NCOA1: variants seen among roughly 807,000 people sequenced by gnomAD.
NCOA1 encodes the protein nuclear receptor coactivator 1.
Under a neutral mutation model 150.9 loss-of-function variants are expected in NCOA1, and 35 were observed. The observed-to-expected ratio is 0.23, with a 90% CI of 0.18 to 0.31. The LOEUF is 0.31. Among genes scored for constraint, NCOA1 ranks in the 10% least tolerant of loss-of-function variants. The pLI is 1.00. For missense variants in NCOA1, 1,491 were observed against 1,749.3 expected, an observed-to-expected ratio of 0.85 and a Z score of 2.63; for synonymous variants, 590 against 630.0, an observed-to-expected ratio of 0.94 and a Z score of 0.95.
rs771469021 is a variant in NCOA1 at position 24,758,015 on chromosome 2, G to A, written c.3924G>A (p.Gln1308=). The change falls in exon 21 of 23, where the codon CAG becomes CAA. Residue 1308 remains glutamine, a synonymous_variant. Coordinates refer to ENST00000348332, the MANE Select transcript of NCOA1 (RefSeq NM_003743.5). ...TCCAGAACCAGCCCACGCCTGCACA[G>A]CCAGGAGTATACAACAACATGAGCA... ...QAVQNQPTPA[Q]PGVYNNMSIT... is the part of the protein sequence containing the mutation. The A allele has an allele frequency of 1.1e-5, 17 of 1,614,044 alleles. No homozygotes were observed. The highest frequency in any genetic ancestry group is 3.3e-5 in the Admixed American group (2 of 59,986).
At chr2:24,677,429 T>G (rs975842293) in intron 7 of NCOA1, among the ~76,000 whole-genome samples, 42 of 151,964 alleles carry the variant, frequency 2.8e-4, no homozygotes, top group African/African-American at 9.9e-4. Flanking sequence ...GTTTGGTTGG[T>G]TGGTTTTGTT....
intron 1 of NCOA1, among the ~76,000 whole-genome samples, chr2:24,545,053 C>A (rs941923856): frequency 4.6e-5 from 7 of 151,970 alleles, no homozygotes; most frequent in Admixed American, 2.6e-4. Flanking sequence ...GTATACATAG[C>A]CTAGTATACA....
In NCOA1 at chr2:24,673,519, G is replaced by GT. The variant is rs1572573098; in HGVS notation, c.354+62dup. The GT allele has an allele frequency of 7.2e-6, 9 of 1,255,670 alleles. No homozygotes were observed. In the East Asian group the frequency reaches 2.0e-4, roughly 28 times the overall value. The allele number at this position is 1,255,670 out of a possible 1,614,324, so 77.8% of individuals were successfully genotyped here. The stretch of plus-strand genomic sequence containing the variant: ...TAAAATCTTTGTTGTAGCCAGTTTG[G>GT]TTTTTTCTTTTTTAAATGCCTTATA... On this transcript the variant is annotated intron_variant, in intron 7 of 22. Coordinates refer to ENST00000348332, the MANE Select transcript of NCOA1 (RefSeq NM_003743.5).
chr2:24,721,384 A>T (rs1674351367), intron 14 of NCOA1, among the ~76,000 whole-genome samples: 1 of 152,112 alleles, frequency 6.6e-6, no homozygotes, highest in Non-Finnish European at 1.5e-5. Context: ...ATGTTTGGTA[A>T]ATTTTGACTG....
At chr2:24,617,506 C>T (rs1359155549) in intron 3 of NCOA1, among the ~76,000 whole-genome samples, 1 of 152,118 alleles carries the variant, frequency 6.6e-6, no homozygotes, top group Non-Finnish European at 1.5e-5. Context: ...TCATCTCATA[C>T]ACTCCACTAT....
At chr2:24,609,329 A>G (rs1323060656) in intron 3 of NCOA1, among the ~76,000 whole-genome samples, 2 of 152,200 alleles carry the variant, frequency 1.3e-5, no homozygotes, top group East Asian at 3.8e-4. Flanking sequence ...TTTGTTTTCA[A>G]ATCTATTACT....
At chr2:24,721,335 C>T (rs1572640496) in intron 14 of NCOA1, among the ~76,000 whole-genome samples, 1 of 152,286 alleles carries the variant, frequency 6.6e-6, no homozygotes, top group East Asian at 1.9e-4. Context: ...TTACTTTCTT[C>T]ATTAAAGTTG....
intron 3 of NCOA1, among the ~76,000 whole-genome samples, chr2:24,642,035 T>TGTGTGTGTGTGTGTGTGCGC (rs1429967519): frequency 1.7e-5 from 2 of 114,342 alleles, no homozygotes; most frequent in Non-Finnish European, 4.1e-5. Flanking sequence ...TGTGTGTGTG[T>TGTGTGTGTGTGTGTGTGCGC]GTGCGCGCGT....
At chr2:24,517,251 T>A (rs1664240957) in intron 1 of NCOA1, among the ~76,000 whole-genome samples, 1 of 151,898 alleles carries the variant, frequency 6.6e-6, no homozygotes, top group South Asian at 2.1e-4. Context: ...CTGCTGTGAG[T>A]GTCTTCCTTT....
intron 13 of NCOA1, among the ~76,000 whole-genome samples, chr2:24,709,376 T>C (rs1030618367): frequency 2.0e-5 from 3 of 152,202 alleles, no homozygotes; most frequent in Admixed American, 2.0e-4. Flanking sequence ...CATGATATTA[T>C]CAATATTTTA....
At chr2:24,617,288 T>G (rs1346155940) in intron 3 of NCOA1, among the ~76,000 whole-genome samples, 1 of 152,150 alleles carries the variant, frequency 6.6e-6, no homozygotes, top group Non-Finnish European at 1.5e-5. Context: ...TCTAAGAGTT[T>G]GTTGTGATTG....
chr2:24,714,335 A>G (rs1238578755), intron 14 of NCOA1, among the ~76,000 whole-genome samples: 2 of 152,216 alleles, frequency 1.3e-5, no homozygotes. Flanking sequence ...AAGACACATG[A>G]TGTAGCAAGA....
chr2:24,765,896 CT>C (rs773857143), intron 22 of NCOA1, among the ~76,000 whole-genome samples: 16,871 of 127,850 alleles, frequency 0.13, 608 homozygotes, highest in Non-Finnish European at 0.17. Flanking sequence ...CAATAATACA[CT>C]TTTTTTTTTT....
intron 22 of NCOA1, among the ~76,000 whole-genome samples, chr2:24,765,239 C>T (rs1264982769): frequency 2.6e-5 from 4 of 151,546 alleles, no homozygotes; most frequent in Non-Finnish European, 1.5e-5. Flanking sequence ...TGCGGTGGCT[C>T]ACGCCTGTAA....
intron 8 of NCOA1, among the ~76,000 whole-genome samples, chr2:24,689,151 C>A (rs3943680): frequency 0.43 from 65,976 of 151,968 alleles, 15,989 homozygotes; most frequent in Admixed American, 0.6. Context: ...AGTTAGATAA[C>A]ATGATGCCCC....
Position 24,576,173 on chromosome 2 carries a change from T to TTTG in NCOA1, c.-259-8301_-259-8300insGTT, listed in dbSNP as rs1666970024. Among the ~76,000 whole-genome samples the TTTG allele has an allele frequency of 3.4e-4, 14 of 40,954 alleles. 2 individuals carry two copies. Among genetic ancestry groups the TTTG allele is most frequent in the Non-Finnish European group, 4.9e-4 (7 of 14,220 alleles). The allele number at this position is 40,954 out of a possible 152,430, so 26.9% of individuals were successfully genotyped here. ...TGTTTTTTTTTTTTTGTTTTTTGTT[T>TTTG]TTTTTTTTTTTTTTTTTTGTTTGCT... On this transcript the variant is annotated intron_variant, in intron 2 of 22. Transcript: ENST00000348332.
chr2:24,673,510 G>A, intron 7 of NCOA1, 47 bp downstream of exon 7: 1 of 1,387,600 alleles, frequency 7.2e-7, no homozygotes, highest in Non-Finnish European at 9.9e-7. Context: ...CTTTGTTGTA[G>A]CCAGTTTGGT....
At chr2:24,673,686 A>T (rs1317183814) in intron 7 of NCOA1, among the ~76,000 whole-genome samples, 1 of 152,218 alleles carries the variant, frequency 6.6e-6, no homozygotes, top group African/African-American at 2.4e-5. Context: ...CTAAGCAGTG[A>T]GATGGAAAAC....
chr2:24,616,194 G>T (rs1393062402), intron 3 of NCOA1, among the ~76,000 whole-genome samples: 4 of 152,156 alleles, frequency 2.6e-5, no homozygotes, highest in Non-Finnish European at 4.4e-5. Flanking sequence ...TGGAAATGAT[G>T]ATTTGTATGT....
Sources: allele counts gnomAD v4.1 joint callset (sites outside exome capture counted in the v4.1 genomes callset), GRCh38; gene constraint gnomAD v4.1.1; transcripts MANE v1.5; gene names NCBI Gene and HGNC (gene_info 2026-07-23, HGNC 2026-07-21).